Variants in SLC28A3 observed in about 807,000 individuals in gnomAD.
SLC28A3 encodes concentrative Na(+)-nucleoside cotransporter 3.
A neutral mutation model predicts 84.2 loss-of-function variants in SLC28A3; 68 were observed. The observed-to-expected ratio is 0.81, with a 90% CI of 0.66 to 0.99. The LOEUF (loss-of-function observed/expected upper bound fraction) is 0.99, where lower values mean the gene tolerates loss of function less well. SLC28A3 is among the 50% of genes least tolerant of loss of function. The pLI is 0.00. For synonymous variants in SLC28A3, 267 were observed against 303.6 expected, an observed-to-expected ratio of 0.88 and a Z score of 1.25; for missense variants, 712 against 841.5, an observed-to-expected ratio of 0.85 and a Z score of 1.90.
chr9:84,299,730 G>C lies in SLC28A3; in HGVS notation c.525-5C>G. 5 of 1,578,516 alleles carry C rather than the reference G, an allele frequency of 3.2e-6. No homozygotes were observed. Among genetic ancestry groups the C allele is most frequent in the Non-Finnish European group, 4.3e-6 (5 of 1,168,948 alleles). On this transcript the variant is annotated splice_polypyrimidine_tract_variant and splice_region_variant and intron_variant, in intron 5 of 17. Coordinates refer to ENST00000376238, the MANE Select transcript of SLC28A3 (RefSeq NM_001199633.2). ...ACCAGGGAGCTCCAGATCACCCTAA[G>C]AGAAGGGGAAAGGAGGCATTGGCAT...
At chr9:84,310,870 G>T (rs1453954293) in intron 2 of SLC28A3, among the ~76,000 whole-genome samples, 2 of 152,120 alleles carry the variant, frequency 1.3e-5, no homozygotes, top group Non-Finnish European at 2.9e-5. Context: ...GTAAATATTT[G>T]ATTTAAATGG....
At chr9:84,315,380 C>T (rs1826134128) in intron 1 of SLC28A3, among the ~76,000 whole-genome samples, 1 of 152,200 alleles carries the variant, frequency 6.6e-6, no homozygotes, top group East Asian at 1.9e-4. Context: ...ATTTGGGGTT[C>T]TTGCGGATCC....
intron 16 of SLC28A3, among the ~76,000 whole-genome samples, chr9:84,279,647 T>G (rs1228824818): frequency 6.6e-6 from 1 of 152,202 alleles, no homozygotes; most frequent in Non-Finnish European, 1.5e-5. Context: ...TTGGTCAGGC[T>G]GGTCTCAAAC....
At chr9:84,362,902 TTAAA>T in the SLC28A3 span, among the ~76,000 whole-genome samples, 2 of 152,038 alleles carry the variant, frequency 1.3e-5, no homozygotes, top group Admixed American at 6.5e-5. Flanking sequence ...TATTAATACA[TTAAA>T]TAACAGATTT....
Position 84,288,057 on chromosome 9 carries a change from A to AT in SLC28A3, c.1270dup (p.Met424AsnfsTer5). 6.2e-7 allele frequency: 1 copy of AT among 1,613,758 alleles called. No homozygotes were observed. The highest frequency in any genetic ancestry group is 1.3e-5 in the African/African-American group (1 of 74,930). On this transcript the variant is annotated frameshift_variant, in exon 12 of 18. Transcript: ENST00000376238. LOFTEE classifies it high-confidence loss of function. ...AATGTGTCACACTTACCCACTTTCC[A>AT]TTTTCATGGCATTCTTGAGGGTTAT...
Position 84,276,511 on chromosome 9 carries a change from A to AG in SLC28A3, c.*1706dup, listed in dbSNP as rs1824531107. 6.6e-6 allele frequency: 1 copy of AG among 152,172 alleles called. No individual in the cohort carries two copies. The highest frequency in any genetic ancestry group is 1.5e-5 in the Non-Finnish European group (1 of 68,040). 9.4% of individuals were successfully genotyped at this position (152,172 alleles called of 1,614,324 possible). On this transcript the variant is annotated 3_prime_UTR_variant, in exon 18 of 18. Coordinates refer to ENST00000376238, the MANE Select transcript of SLC28A3 (RefSeq NM_001199633.2). ...GTAAACAAAGTAAATGCATGTCCAC[A>AG]GAGGAATGGTATGATACATAAACAT... is the stretch of plus-strand genomic sequence containing the variant.
At chr9:84,316,122 C>T (rs916025257) in intron 1 of SLC28A3, among the ~76,000 whole-genome samples, 1 of 152,166 alleles carries the variant, frequency 6.6e-6, no homozygotes, top group Non-Finnish European at 1.5e-5. Flanking sequence ...TTGTTTCCCA[C>T]CATTTCTTTG....
chr9:84,314,817 G>A (rs1018027019), intron 1 of SLC28A3, among the ~76,000 whole-genome samples: 7 of 152,224 alleles, frequency 4.6e-5, no homozygotes, highest in Admixed American at 4.6e-4. Flanking sequence ...GGTGGCTGAC[G>A]CCCGTAATCC....
chr9:84,368,524 G>T, the SLC28A3 span, among the ~76,000 whole-genome samples: 1 of 152,048 alleles, frequency 6.6e-6, no homozygotes, highest in East Asian at 1.9e-4. Context: ...GGCCGGACTG[G>T]GTCCTTTCCT....
At chr9:84,302,749 T>G (rs1315675190) in intron 4 of SLC28A3, among the ~76,000 whole-genome samples, 1 of 152,036 alleles carries the variant, frequency 6.6e-6, no homozygotes, top group East Asian at 1.9e-4. Context: ...AAAGGCCGAG[T>G]GTTGAAGTGA....
chr9:84,317,002 A>AAACAACAACAAC (rs56145118), intron 1 of SLC28A3, among the ~76,000 whole-genome samples: 7,432 of 150,204 alleles, frequency 0.049, 638 homozygotes, highest in African/African-American at 0.17. Context: ...CTCCGTCTCA[A>AAACAACAACAAC]AACAACAACA....
chr9:84,299,602 T>C lies in SLC28A3; in HGVS notation c.648A>G (p.Leu216=), dbSNP rs762486318. 2 of 1,613,318 alleles carry C rather than the reference T, an allele frequency of 1.2e-6. No individual in the cohort carries two copies. The highest frequency in any genetic ancestry group is 1.7e-5 in the Admixed American group (1 of 59,914). ...GLIMYIVLLF[L]FSKYPTRVYW... is the part of the protein sequence containing the mutation. The stretch of plus-strand genomic sequence containing the variant: ...TTACTCTGGTTGGGTACTTGGAAAA[T>C]AGAAATAACAGGACAATGTACATTA... Residue 216 remains leucine, a synonymous_variant, in exon 6 of 18, where the codon CTA becomes CTG. Coordinates refer to ENST00000376238, the MANE Select transcript of SLC28A3 (RefSeq NM_001199633.2).
At chr9:84,361,293 C>G in the SLC28A3 span, among the ~76,000 whole-genome samples, 1 of 152,078 alleles carries the variant, frequency 6.6e-6, no homozygotes, top group Non-Finnish European at 1.5e-5. Flanking sequence ...TGCAGTGAGC[C>G]GAGATCGCGC....
intron 1 of SLC28A3, among the ~76,000 whole-genome samples, chr9:84,315,549 GAT>G (rs775329012): frequency 2.6e-5 from 4 of 152,188 alleles, no homozygotes; most frequent in Non-Finnish European, 4.4e-5. Flanking sequence ...TGTGTTGAGG[GAT>G]AGAGTGGGCA....
At chr9:84,344,753 T>A (rs1324530882), upstream of SLC28A3, among the ~76,000 whole-genome samples, 1 of 152,150 alleles carries the variant, frequency 6.6e-6, no homozygotes, top group East Asian at 1.9e-4. Flanking sequence ...CAACCAATTG[T>A]CAACCAGAAA....
chr9:84,346,759 T>C, the SLC28A3 span, among the ~76,000 whole-genome samples: 1 of 152,166 alleles, frequency 6.6e-6, no homozygotes, highest in South Asian at 2.1e-4. Flanking sequence ...ATTTACACTA[T>C]ATACCAGGAA....
chr9:84,332,442 T>C (rs1972245), intron 1 of SLC28A3, among the ~76,000 whole-genome samples: 113,380 of 152,118 alleles, frequency 0.75, 42,455 homozygotes, highest in East Asian at 0.83. Context: ...AGGGATAGGG[T>C]AGGGGACTGG....
intron 1 of SLC28A3, among the ~76,000 whole-genome samples, chr9:84,320,042 T>TG (rs1826314124): frequency 1.6e-4 from 15 of 95,418 alleles, no homozygotes; most frequent in Admixed American, 1.5e-3. Flanking sequence ...CTTGCACTGT[T>TG]TTTTTTTTTT....
At chr9:84,310,147 G>A (rs746463298) in intron 2 of SLC28A3, among the ~76,000 whole-genome samples, 2 of 152,126 alleles carry the variant, frequency 1.3e-5, no homozygotes, top group African/African-American at 2.4e-5. Flanking sequence ...TTATTTCCCC[G>A]GCAGCCCAAG....
Sources: gnomAD v4.1 joint callset for allele counts (sites outside exome capture counted in the v4.1 genomes callset) on GRCh38, gnomAD v4.1.1 for gene constraint, MANE v1.5 for transcripts, NCBI Gene and HGNC (gene_info 2026-07-23, HGNC 2026-07-21) for gene names.